The following PTPRN2 variants were observed in gnomAD, a reference collection of about 807,000 sequenced individuals.
PTPRN2 encodes protein tyrosine phosphatase receptor type N2.
A neutral mutation model predicts 118.8 loss-of-function variants in PTPRN2; 74 were observed. The observed-to-expected ratio is 0.62, with a 90% CI of 0.52 to 0.76. The LOEUF is 0.76. Ranked by LOEUF, PTPRN2 falls within the 30% of genes least tolerant of loss-of-function variation. PTPRN2 has a pLI of 0.00. For missense variants in PTPRN2, 1,481 were observed against 1,394.4 expected (o/e 1.06, Z -0.99); for synonymous variants, 641 against 608.0 (o/e 1.05, Z -0.80).
At chr7:157,682,145 G>A (rs1167547029) in intron 13 of PTPRN2, among the ~76,000 whole-genome samples, 1 of 152,274 alleles carries the variant, frequency 6.6e-6, no homozygotes, top group East Asian at 1.9e-4. Flanking sequence ...GTCTGAACTT[G>A]CCTTCCTCGC....
intron 2 of PTPRN2, among the ~76,000 whole-genome samples, chr7:158,457,938 G>C (rs936069243): frequency 6.6e-6 from 1 of 152,226 alleles, no homozygotes; most frequent in Admixed American, 6.5e-5. Context: ...TCACACCTCT[G>C]ACTGAATTTT....
chr7:157,916,753 G>A (rs865817518), intron 11 of PTPRN2, among the ~76,000 whole-genome samples: 7 of 151,410 alleles, frequency 4.6e-5, no homozygotes, highest in Admixed American at 6.6e-5. Flanking sequence ...GGCTGGCCAC[G>A]CACCCCGGCC....
intron 3 of PTPRN2, among the ~76,000 whole-genome samples, chr7:158,311,987 CCA>C (rs1163185439): frequency 1.4e-5 from 2 of 140,568 alleles, no homozygotes; most frequent in Admixed American, 7.1e-5. Context: ...ATGTAGACAC[CCA>C]CACACATGCA....
chr7:157,935,794 G>A lies in PTPRN2; in HGVS notation c.1724-37057C>T, dbSNP rs113212110. Among the ~76,000 whole-genome samples, 563 of 151,584 alleles carry A rather than the reference G, an allele frequency of 3.7e-3. 2 individuals carry two copies. Among genetic ancestry groups the A allele is most frequent in the African/African-American group, 0.013 (531 of 41,356 alleles). ...GCATCTGTGTCACTCCCTCAGGGGG[G>A]TCTAGCCATCCTCAGCATCTGTGTC... On this transcript the variant is annotated intron_variant, in intron 11 of 22. Transcript: ENST00000389418.
chr7:157,645,110 C>T (rs1456016766), intron 14 of PTPRN2, among the ~76,000 whole-genome samples: 5 of 152,282 alleles, frequency 3.3e-5, no homozygotes, highest in South Asian at 2.1e-4. Flanking sequence ...TTCACTGCCA[C>T]GTCCATTTCC....
chr7:158,061,942 C>T (rs2128907802), intron 11 of PTPRN2, among the ~76,000 whole-genome samples: 1 of 152,358 alleles, frequency 6.6e-6, no homozygotes, highest in East Asian at 1.9e-4. Context: ...ACAGTTTTTC[C>T]CCAACCAGAG....
chr7:158,448,159 C>T (rs1415094643), intron 2 of PTPRN2, among the ~76,000 whole-genome samples: 4 of 152,216 alleles, frequency 2.6e-5, no homozygotes, highest in Admixed American at 6.5e-5. Context: ...CAGGCCAGGT[C>T]GGCAACAACA....
In PTPRN2 at chr7:157,868,213, T is replaced by C. The variant is rs1039764004; in HGVS notation, c.1788+30460A>G. Among the ~76,000 whole-genome samples, 1 of 152,172 alleles carries C rather than the reference T, an allele frequency of 6.6e-6. No individual in the cohort carries two copies. The highest frequency in any genetic ancestry group is 1.5e-5 in the Non-Finnish European group (1 of 68,032). ...CCCGATGGCTCCGACAGCCCAGTGG[T>C]GCACCTACAACTGCTTCCCATCGAG... On this transcript the variant is annotated intron_variant, in intron 12 of 22. Transcript: ENST00000389418. This position sits in a 1 kb window ranked among gnomAD's most constrained non-coding sequence, Gnocchi z 5.2.
chr7:158,126,026 G>A (rs1049319209), intron 9 of PTPRN2, among the ~76,000 whole-genome samples: 25 of 150,898 alleles, frequency 1.7e-4, no homozygotes, highest in Non-Finnish European at 3.0e-4. Context: ...AGAGCGGGCG[G>A]CGGAACTTCC....
At chr7:158,318,453 A>G (rs1802530737) in intron 2 of PTPRN2, among the ~76,000 whole-genome samples, 2 of 152,170 alleles carry the variant, frequency 1.3e-5, no homozygotes, top group African/African-American at 4.8e-5. Flanking sequence ...CCTCAGGACC[A>G]AGGCCTGGGG....
At chr7:157,835,674 G>A (rs1162393911) in intron 12 of PTPRN2, among the ~76,000 whole-genome samples, 1 of 152,110 alleles carries the variant, frequency 6.6e-6, no homozygotes, top group Non-Finnish European at 1.5e-5. Flanking sequence ...TAGCCGAAGG[G>A]TGCACTGCAA....
rs1012375268 is a variant in PTPRN2, at chr7:158,438,935, G to C, written c.163+50800C>G. ...AAACCTGCCTCCCATTCTGTTCAAA[G>C]TCACCCCTCTGAGGCTGCCCTGAGA... is the stretch of plus-strand genomic sequence containing the variant. On this transcript the variant is annotated intron_variant, in intron 2 of 22. Coordinates refer to ENST00000389418, the MANE Select transcript of PTPRN2 (RefSeq NM_002847.5). This position sits in a 1 kb window ranked among gnomAD's most constrained non-coding sequence, Gnocchi z 4.7. Among the ~76,000 whole-genome samples the C allele has an allele frequency of 6.6e-6, 1 of 152,160 alleles. No homozygotes were observed. The highest frequency in any genetic ancestry group is 1.5e-5 in the Non-Finnish European group (1 of 68,022).
intron 1 of PTPRN2, among the ~76,000 whole-genome samples, chr7:158,515,295 T>A (rs1278576742): frequency 1.3e-5 from 2 of 151,904 alleles, no homozygotes; most frequent in East Asian, 1.9e-4. Flanking sequence ...CAAGTGATTC[T>A]CCTGCCTCAG....
chr7:157,675,086 C>T lies in PTPRN2; in HGVS notation c.2001+7639G>A, dbSNP rs913556397. Among the ~76,000 whole-genome samples the T allele has an allele frequency of 2.6e-5, 4 of 152,208 alleles. 1 individual carries two copies. Among genetic ancestry groups the T allele is most frequent in the East Asian group, 1.9e-4 (1 of 5,204 alleles). On this transcript the variant is annotated intron_variant, in intron 13 of 22. Transcript: ENST00000389418. The stretch of plus-strand genomic sequence containing the variant: ...CCGCCTGCTGGAATCTCCTCCCCAC[C>T]GCCTACTGTTTCTTTTGAAATCCCA...
In PTPRN2 at chr7:157,831,411, C is replaced by A. The variant is rs941301213; in HGVS notation, c.1788+67262G>T. 2.6e-5 allele frequency among the ~76,000 whole-genome samples: 4 copies of A among 152,302 alleles called. No homozygotes were observed. The highest frequency in any genetic ancestry group is 5.9e-5 in the Non-Finnish European group (4 of 68,024). On this transcript the variant is annotated intron_variant, in intron 12 of 22. Transcript: ENST00000389418. The surrounding 1 kb of genome is among the most constrained non-coding windows in gnomAD (Gnocchi z 4.8). Reference sequence around the variant, plus strand: ...TCTTCCCGAAGCATCTTAACTGATGCGGGTTCTGTGTCCAGGGAAGAGCAG... The same window carrying A: ...TCTTCCCGAAGCATCTTAACTGATGAGGGTTCTGTGTCCAGGGAAGAGCAG...
intron 11 of PTPRN2, among the ~76,000 whole-genome samples, chr7:158,052,189 C>T (rs59521617): frequency 0.14 from 20,988 of 152,208 alleles, 1,896 homozygotes; most frequent in Non-Finnish European, 0.2. Flanking sequence ...ATGACTTCTA[C>T]GGGAGGAAAT....
intron 2 of PTPRN2, among the ~76,000 whole-genome samples, chr7:158,440,820 A>AGTG (rs368710306): frequency 2.2e-5 from 2 of 89,916 alleles, no homozygotes; most frequent in African/African-American, 4.9e-5. Flanking sequence ...TGGTAGTAGT[A>AGTG]GTGGTGGTGG....
At chr7:158,249,954 C>T (rs527556195) in intron 3 of PTPRN2, among the ~76,000 whole-genome samples, 14 of 152,228 alleles carry the variant, frequency 9.2e-5, no homozygotes, top group African/African-American at 2.9e-4. Flanking sequence ...TGAGAGAACA[C>T]GTGTTGGATG....
intron 11 of PTPRN2, among the ~76,000 whole-genome samples, chr7:158,071,991 G>A (rs1376378718): frequency 2.1e-4 from 21 of 99,232 alleles, no homozygotes; most frequent in Admixed American, 1.5e-3. Flanking sequence ...GGAGGTGCTC[G>A]TGGTGGTGGA....
Sources: gnomAD v4.1 joint callset for allele counts (sites outside exome capture counted in the v4.1 genomes callset) on GRCh38, gnomAD v4.1.1 for gene constraint, Gnocchi (gnomAD v3.1) non-coding constraint, MANE v1.5 for transcripts, NCBI Gene and HGNC (gene_info 2026-07-23, HGNC 2026-07-21) for gene names.